The following CSMD1 variants were observed in gnomAD, a reference collection of about 807,000 sequenced individuals.
CSMD1 encodes CUB and sushi domain-containing protein 1.
Under a neutral mutation model 417.5 loss-of-function variants are expected in CSMD1, and 213 were observed. The ratio of observed to expected loss-of-function variants is 0.51; its 90% CI spans 0.46 to 0.57. The LOEUF (loss-of-function observed/expected upper bound fraction) is 0.57. Ranked by LOEUF, CSMD1 falls within the 20% of genes least tolerant of loss-of-function variation. The pLI is 0.00. For missense variants in CSMD1, 6,923 were observed against 4,529.7 expected (o/e 1.53, Z -15.17); for synonymous variants, 2,862 against 1,736.8 (o/e 1.65, Z -16.11).
At chr8:4,340,517 T>G (rs1469842346) in intron 3 of CSMD1, among the ~76,000 whole-genome samples, 1 of 152,092 alleles carries the variant, frequency 6.6e-6, no homozygotes, top group Non-Finnish European at 1.5e-5. Context: ...ATGGTTAGAC[T>G]TTATTATATG....
chr8:3,046,587 G>A (rs748607663), intron 50 of CSMD1, among the ~76,000 whole-genome samples: 4 of 152,138 alleles, frequency 2.6e-5, no homozygotes, highest in Admixed American at 2.6e-4. Flanking sequence ...AATGGACAGA[G>A]CCTTGAATTC....
intron 1 of CSMD1, among the ~76,000 whole-genome samples, chr8:4,754,425 A>T (rs1811538558): frequency 6.6e-6 from 1 of 152,174 alleles, no homozygotes; most frequent in African/African-American, 2.4e-5. Flanking sequence ...ACATACAAAT[A>T]AGTAGTAACT....
intron 1 of CSMD1, among the ~76,000 whole-genome samples, chr8:4,805,835 G>T (rs543977336): frequency 1.5e-4 from 23 of 152,248 alleles, no homozygotes; most frequent in Non-Finnish European, 2.6e-4. Flanking sequence ...CTCGAAAGTG[G>T]AAGCTCATTG....
intron 1 of CSMD1, among the ~76,000 whole-genome samples, chr8:4,911,556 A>G (rs546782976): frequency 6.6e-6 from 1 of 152,302 alleles, no homozygotes; most frequent in South Asian, 2.1e-4. Flanking sequence ...CTTTACTGCT[A>G]ATACCTGCCC....
chr8:3,270,544 A>G (rs1304817852), intron 26 of CSMD1, among the ~76,000 whole-genome samples: 1 of 152,230 alleles, frequency 6.6e-6, no homozygotes, highest in Non-Finnish European at 1.5e-5. Context: ...ATTTTAAGTG[A>G]TCAAGAGTAA....
At chr8:3,453,224 C>T (rs979838758) in intron 12 of CSMD1, among the ~76,000 whole-genome samples, 9 of 151,978 alleles carry the variant, frequency 5.9e-5, no homozygotes, top group Non-Finnish European at 1.0e-4. Flanking sequence ...TATAGTCTTG[C>T]TAGCAGTCTA....
At chr8:4,843,993 T>C (rs983652470) in intron 1 of CSMD1, among the ~76,000 whole-genome samples, 5 of 152,144 alleles carry the variant, frequency 3.3e-5, no homozygotes, top group African/African-American at 9.7e-5. Flanking sequence ...AAAAATGAGA[T>C]TGTGAGACAT....
At chr8:4,924,485 G>T (rs1806716761) in intron 1 of CSMD1, among the ~76,000 whole-genome samples, 1 of 152,082 alleles carries the variant, frequency 6.6e-6, no homozygotes, top group African/African-American at 2.4e-5. Context: ...TACTTTGAGA[G>T]GCTGGGGCGG....
intron 1 of CSMD1, among the ~76,000 whole-genome samples, chr8:4,946,322 G>A (rs1378020705): frequency 1.3e-5 from 2 of 152,134 alleles, no homozygotes; most frequent in Non-Finnish European, 2.9e-5. Flanking sequence ...ATGACTAACT[G>A]AAACCTTAAA....
chr8:4,588,505 T>G (rs1379312761), intron 2 of CSMD1, among the ~76,000 whole-genome samples: 1 of 151,888 alleles, frequency 6.6e-6, no homozygotes, highest in East Asian at 2.0e-4. Flanking sequence ...TTTAAGAAAC[T>G]CTACTCTGGC....
At chr8:4,391,836 AC>A (rs1239139904) in intron 3 of CSMD1, among the ~76,000 whole-genome samples, 1 of 152,074 alleles carries the variant, frequency 6.6e-6, no homozygotes, top group Non-Finnish European at 1.5e-5. Context: ...GTTCTGGCAA[AC>A]CTGAGTCAAT....
intron 2 of CSMD1, among the ~76,000 whole-genome samples, chr8:4,509,202 T>A (rs906949549): frequency 6.6e-6 from 1 of 152,160 alleles, no homozygotes; most frequent in African/African-American, 2.4e-5. Context: ...CCAAACATTA[T>A]AAATTTGCAA....
intron 3 of CSMD1, among the ~76,000 whole-genome samples, chr8:4,260,842 T>G (rs775876582): frequency 4.6e-5 from 7 of 152,182 alleles, no homozygotes; most frequent in Admixed American, 3.3e-4. Flanking sequence ...TTGTCTCCAA[T>G]AATTGTTTTT....
intron 3 of CSMD1, among the ~76,000 whole-genome samples, chr8:4,124,377 A>G (rs566570882): frequency 8.7e-5 from 13 of 149,808 alleles, no homozygotes; most frequent in Non-Finnish European, 1.3e-4. Context: ...TTTCTTCTCC[A>G]TATCAAAAAG....
At chr8:3,216,150 GCTCT>G (rs1384396730) in intron 29 of CSMD1, among the ~76,000 whole-genome samples, 3 of 151,510 alleles carry the variant, frequency 2.0e-5, no homozygotes, top group African/African-American at 7.3e-5. Flanking sequence ...TCAAACCAGT[GCTCT>G]CTAATTGCTT....
At chr8:3,142,392 T>A (rs1227672907) in intron 41 of CSMD1, 73 bp downstream of exon 41, 1 of 1,307,448 alleles carries the variant, frequency 7.6e-7, no homozygotes, top group Non-Finnish European at 1.1e-6. Flanking sequence ...TTAGGGAGAT[T>A]TATACTTAAA....
chr8:4,514,818 T>C (rs544306854), intron 2 of CSMD1, among the ~76,000 whole-genome samples: 13 of 152,294 alleles, frequency 8.5e-5, no homozygotes, highest in African/African-American at 3.1e-4. Flanking sequence ...CTGGCTGCTG[T>C]TACTGTTTTC....
intron 3 of CSMD1, among the ~76,000 whole-genome samples, chr8:4,037,039 C>G (rs1273752425): frequency 6.6e-6 from 1 of 151,676 alleles, no homozygotes; most frequent in Non-Finnish European, 1.5e-5. Flanking sequence ...CTGGTGACCA[C>G]CTGGCACCCG....
At chr8:4,523,952 G>A (rs937038693) in intron 2 of CSMD1, among the ~76,000 whole-genome samples, 6 of 152,054 alleles carry the variant, frequency 3.9e-5, no homozygotes, top group Non-Finnish European at 7.4e-5. Flanking sequence ...AAGTCCAGGT[G>A]TTTCCCCAGC....
Sources: allele counts gnomAD v4.1 joint callset (sites outside exome capture counted in the v4.1 genomes callset), GRCh38; gene constraint gnomAD v4.1.1; transcripts MANE v1.5; gene names NCBI Gene and HGNC (gene_info 2026-07-23, HGNC 2026-07-21).